Variants in DIAPH2 observed in about 807,000 individuals in gnomAD.
DIAPH2 encodes the protein diaphanous related formin 2, also known as protein diaphanous homolog 2.
A neutral mutation model predicts 92.7 loss-of-function variants in DIAPH2; 35 were observed. That is an observed-to-expected ratio of 0.38 (90% CI 0.29 to 0.50). The LOEUF (loss-of-function observed/expected upper bound fraction) is 0.50. DIAPH2 is among the 20% of genes least tolerant of loss of function. DIAPH2 has a pLI of 0.94. For synonymous variants in DIAPH2, 301 were observed against 280.4 expected, an observed-to-expected ratio of 1.07 and a Z score of -0.73; for missense variants, 701 against 819.5, an observed-to-expected ratio of 0.86 and a Z score of 1.77.
intron 22 of DIAPH2, among the ~76,000 whole-genome samples, chrX:97,187,280 C>CTTTTTTTG (rs1569323905): frequency 9.8e-5 from 1 of 10,220 alleles, no homozygotes; most frequent in African/African-American, 1.3e-4. Flanking sequence ...AATTAAGTAG[C>CTTTTTTTG]CTTTTTTTTT....
rs2068176119 is a variant in DIAPH2, at chrX:97,250,074, G to A, written c.2844+2235G>A. ...ATCGCGCCATTGCACTCCAGCCTGG[G>A]CAACAAGAGCGAAACTCCGTCTCAA... On this transcript the variant is annotated intron_variant, in intron 23 of 26. Coordinates refer to ENST00000324765, the MANE Select transcript of DIAPH2 (RefSeq NM_006729.5). 2.7e-5 allele frequency among the ~76,000 whole-genome samples: 3 copies of A among 110,624 alleles called. No individual in the cohort carries two copies. The Admixed American group carries it at 2.9e-4, about 11-fold the overall frequency.
At chrX:96,803,032 A>G (rs763543304) in intron 4 of DIAPH2, among the ~76,000 whole-genome samples, 20 of 111,308 alleles carry the variant, frequency 1.8e-4, no homozygotes, top group African/African-American at 6.5e-4. Context: ...GCCTGCTTCT[A>G]TCCTAGCCAC....
intron 23 of DIAPH2, among the ~76,000 whole-genome samples, chrX:97,295,320 A>T (rs959443796): frequency 8.9e-6 from 1 of 112,000 alleles, no homozygotes; most frequent in Admixed American, 9.6e-5. Context: ...GTCACTATTC[A>T]CGTATGAATT....
chrX:97,059,207 A>G (rs2066579467), intron 17 of DIAPH2, among the ~76,000 whole-genome samples: 1 of 112,026 alleles, frequency 8.9e-6, no homozygotes. Flanking sequence ...ACAGAATAAC[A>G]GTGTACACAA....
intron 17 of DIAPH2, among the ~76,000 whole-genome samples, chrX:97,052,969 G>A (rs187312651): frequency 1.7e-3 from 190 of 111,009 alleles, no homozygotes; most frequent in African/African-American, 5.9e-3. Flanking sequence ...CTTTGGACTA[G>A]GAAATTATCA....
At chrX:97,502,725 A>T (rs112375655) in intron 26 of DIAPH2, among the ~76,000 whole-genome samples, 1,189 of 112,701 alleles carry the variant, frequency 0.011, 12 homozygotes, top group Non-Finnish European at 0.015. Flanking sequence ...AGCAACAGAA[A>T]CATATTATTA....
At chrX:97,386,219 T>C (rs1326273761) in intron 25 of DIAPH2, among the ~76,000 whole-genome samples, 1 of 112,190 alleles carries the variant, frequency 8.9e-6, no homozygotes, top group Admixed American at 9.4e-5. Flanking sequence ...TAAAATAGAA[T>C]AGTATCAACA....
chrX:97,323,626 G>C (rs183730224), intron 23 of DIAPH2, among the ~76,000 whole-genome samples: 4 of 99,000 alleles, frequency 4.0e-5, no homozygotes, highest in Non-Finnish European at 8.1e-5. Context: ...CTCAGGGACC[G>C]GGTGCGGTGG....
chrX:97,481,505 C>G (rs1248635903), intron 26 of DIAPH2, among the ~76,000 whole-genome samples: 1 of 111,507 alleles, frequency 9.0e-6, no homozygotes, highest in Non-Finnish European at 1.9e-5. Context: ...ATCAGATAAT[C>G]AAGGGTGAGG....
chrX:96,949,126 A>G (rs1041186552), intron 15 of DIAPH2, 87 bp downstream of exon 15: 1 of 539,160 alleles, frequency 1.9e-6, no homozygotes, highest in Non-Finnish European at 2.9e-6. Flanking sequence ...GAAAAATGTG[A>G]CCAGAAGCAG....
Position 96,710,614 on chromosome X carries a change from T to A in DIAPH2, c.133-25144T>A, listed in dbSNP as rs745775549. Among the ~76,000 whole-genome samples the A allele has an allele frequency of 1.3e-4, 14 of 111,704 alleles. No individual in the cohort carries two copies. In the East Asian group the frequency reaches 3.9e-3, roughly 31 times the overall value. On this transcript the variant is annotated intron_variant, in intron 1 of 26. Transcript: ENST00000324765. ...TCTAGATTTGAATGCCTAATGCTAG[T>A]CAATCTTTGGATCACATATGTAATA... is the stretch of plus-strand genomic sequence containing the variant.
At chrX:96,933,169 G>A (rs1008836317) in intron 10 of DIAPH2, among the ~76,000 whole-genome samples, 18 of 109,842 alleles carry the variant, frequency 1.6e-4, no homozygotes, top group African/African-American at 5.9e-4. Flanking sequence ...TAAGAGGTTG[G>A]GCATGTCCCC....
At chrX:97,246,493 G>GA (rs959208065) in intron 22 of DIAPH2, among the ~76,000 whole-genome samples, 36 of 111,147 alleles carry the variant, frequency 3.2e-4, no homozygotes, top group Non-Finnish European at 6.0e-4. Flanking sequence ...CAGATTAATA[G>GA]AAAAAAAATA....
chrX:96,890,083 A>C (rs745698223), intron 5 of DIAPH2, among the ~76,000 whole-genome samples: 1 of 111,798 alleles, frequency 8.9e-6, no homozygotes, highest in African/African-American at 3.3e-5. Flanking sequence ...TACATTACTC[A>C]GGCAGAAGGT....
At chrX:97,197,292 G>A (rs192522692) in intron 22 of DIAPH2, among the ~76,000 whole-genome samples, 45 of 111,809 alleles carry the variant, frequency 4.0e-4, no homozygotes, top group African/African-American at 1.4e-3. Flanking sequence ...CCCATGAGAT[G>A]TGTTCTGAGT....
At chrX:96,718,467 C>A (rs2063969123) in intron 1 of DIAPH2, among the ~76,000 whole-genome samples, 1 of 103,952 alleles carries the variant, frequency 9.6e-6, no homozygotes, top group African/African-American at 3.5e-5. Context: ...GATTCTCCTG[C>A]CTCAGCCTCC....
chrX:97,478,593 G>A (rs1305685158), intron 26 of DIAPH2, among the ~76,000 whole-genome samples: 4 of 111,655 alleles, frequency 3.6e-5, no homozygotes, highest in Non-Finnish European at 7.5e-5. Flanking sequence ...TTAATTGTTC[G>A]CTGCATCCCA....
At chrX:97,290,076 T>A (rs1386318922) in intron 23 of DIAPH2, among the ~76,000 whole-genome samples, 3 of 102,066 alleles carry the variant, frequency 2.9e-5, no homozygotes, top group Admixed American at 1.1e-4. Context: ...GTAATTTAAA[T>A]ATATATATAT....
At chrX:96,996,128 ATTCTCCAGTAAGT>A (rs1289014058) in intron 17 of DIAPH2, among the ~76,000 whole-genome samples, 1 of 111,903 alleles carries the variant, frequency 8.9e-6, no homozygotes, top group African/African-American at 3.2e-5. Context: ...TTGAAAGTTA[ATTCTCCAGTAAGT>A]TTCTCCAGTA....
Sources: gnomAD v4.1 joint callset for allele counts (sites outside exome capture counted in the v4.1 genomes callset) on GRCh38, gnomAD v4.1.1 for gene constraint, MANE v1.5 for transcripts, NCBI Gene and HGNC (gene_info 2026-07-23, HGNC 2026-07-21) for gene names.